SYT2: variants seen among roughly 807,000 people sequenced by gnomAD.
The protein encoded by SYT2 is synaptotagmin 2.
A neutral mutation model predicts 39.9 loss-of-function variants in SYT2; 15 were observed. The ratio of observed to expected loss-of-function variants is 0.38; its 90% CI spans 0.25 to 0.58. The LOEUF is 0.58. SYT2 is among the 20% of genes least tolerant of loss of function. The pLI is 0.70. For synonymous variants in SYT2, 181 were observed against 204.5 expected, an observed-to-expected ratio of 0.89 and a Z score of 0.98; for missense variants, 389 against 530.3, an observed-to-expected ratio of 0.73 and a Z score of 2.62.
intron 1 of SYT2, among the ~76,000 whole-genome samples, chr1:202,694,980 C>T (rs74136800): frequency 9.8e-4 from 149 of 152,266 alleles, no homozygotes; most frequent in African/African-American, 3.3e-3. Context: ...GTCTTCTCTG[C>T]GGAAGGTCTC....
intron 1 of SYT2, among the ~76,000 whole-genome samples, chr1:202,698,688 C>T (rs776474725): frequency 7.5e-4 from 114 of 152,282 alleles, no homozygotes; most frequent in Non-Finnish European, 1.4e-3. Context: ...CCAGACTCAC[C>T]AGGCAGAACA....
chr1:202,673,738 G>A (rs1431963007), intron 1 of SYT2, among the ~76,000 whole-genome samples: 4 of 152,238 alleles, frequency 2.6e-5, no homozygotes, highest in Admixed American at 1.3e-4. Flanking sequence ...TCCCATGGCT[G>A]TCTCCAGCCA....
At chr1:202,638,769 G>A (rs559888821) in intron 1 of SYT2, among the ~76,000 whole-genome samples, 138 of 151,864 alleles carry the variant, frequency 9.1e-4, no homozygotes, top group Middle Eastern at 3.4e-3. Flanking sequence ...CCCCTACCCC[G>A]CCCCATCCCA....
chr1:202,684,671 G>C (rs886199134), intron 1 of SYT2, among the ~76,000 whole-genome samples: 2 of 152,156 alleles, frequency 1.3e-5, no homozygotes. Context: ...GTCTCTGGGT[G>C]TCTCTGCTCC....
In SYT2 at chr1:202,599,165, A is replaced by G. The variant is rs1690407502; in HGVS notation, c.1053+53T>C. On this transcript the variant is annotated intron_variant, in intron 8 of 8. Coordinates refer to ENST00000367268, the MANE Select transcript of SYT2 (RefSeq NM_177402.5). This position sits in a 1 kb window ranked among gnomAD's most constrained non-coding sequence, Gnocchi z 4.4. The stretch of plus-strand genomic sequence containing the variant: ...TTCCCTCTCTTCAACCTCCCCATAC[A>G]TGTTTGCCTCCCCAAACCCTGCTCC... The G allele has an allele frequency of 1.1e-5, 18 of 1,601,790 alleles. No homozygotes were observed. Among genetic ancestry groups the G allele is most frequent in the Admixed American group, 3.5e-5 (2 of 56,798 alleles).
chr1:202,618,817 C>T (rs1183356129), intron 1 of SYT2, among the ~76,000 whole-genome samples: 5 of 152,172 alleles, frequency 3.3e-5, no homozygotes, highest in African/African-American at 1.2e-4. Context: ...AAGATTCCCT[C>T]AGCTGACTCT....
chr1:202,635,833 G>A (rs1441595019), intron 1 of SYT2, among the ~76,000 whole-genome samples: 1 of 152,206 alleles, frequency 6.6e-6, no homozygotes, highest in Non-Finnish European at 1.5e-5. Flanking sequence ...ACTATGAGCA[G>A]ATCAGGTTGG....
chr1:202,697,365 C>G lies in SYT2; in HGVS notation c.-18+12893G>C, dbSNP rs552674237. ...GGCCTCAGGTTCAATTTCATCCCCACTTTCCAAGGAATGTGAGAGGGAGGC... is the reference window on the plus strand; with the variant it reads ...GGCCTCAGGTTCAATTTCATCCCCAGTTTCCAAGGAATGTGAGAGGGAGGC... On this transcript the variant is annotated intron_variant, in intron 1 of 8. Coordinates refer to ENST00000367268, the MANE Select transcript of SYT2 (RefSeq NM_177402.5). 2.0e-5 allele frequency among the ~76,000 whole-genome samples: 3 copies of G among 152,362 alleles called. No individual in the cohort carries two copies. The East Asian group carries it at 5.8e-4, about 29-fold the overall frequency.
rs2149068312 is a variant in SYT2 at position 202,601,876 on chromosome 1, A to T, written c.801+14T>A. 6.8e-6 allele frequency: 11 copies of T among 1,611,224 alleles called. No homozygotes were observed. Among genetic ancestry groups the T allele is most frequent in the Non-Finnish European group, 9.3e-6 (11 of 1,178,524 alleles). On this transcript the variant is annotated intron_variant, in intron 6 of 8. Coordinates refer to ENST00000367268, the MANE Select transcript of SYT2 (RefSeq NM_177402.5). The surrounding 1 kb of genome is among the most constrained non-coding windows in gnomAD (Gnocchi z 4.0). ...TCGTCTTTCTGCCCAACCTGGCCTC[A>T]TCTCTGCTCTTACCTCCTCCTTTTC... is the stretch of plus-strand genomic sequence containing the variant.
chr1:202,652,452 T>G (rs911334005), intron 1 of SYT2, among the ~76,000 whole-genome samples: 2 of 152,180 alleles, frequency 1.3e-5, no homozygotes, highest in African/African-American at 2.4e-5. Context: ...AGATCAACTT[T>G]AGTGCACCAA....
rs151083248 is a variant in SYT2 at position 202,687,204 on chromosome 1, T to A, written c.-18+23054A>T. On this transcript the variant is annotated intron_variant, in intron 1 of 8. Coordinates refer to ENST00000367268, the MANE Select transcript of SYT2 (RefSeq NM_177402.5). ...CTCACAGGCGCCACTGAGGTGTGTG[T>A]CCAGTTCAAGTGCCCTCCCCTCTGA... Among the ~76,000 whole-genome samples, 5 of 152,190 alleles carry A rather than the reference T, an allele frequency of 3.3e-5. No homozygotes were observed. The East Asian group carries it at 9.7e-4, about 29-fold the overall frequency.
intron 1 of SYT2, among the ~76,000 whole-genome samples, chr1:202,668,874 G>A (rs1481426851): frequency 6.6e-6 from 1 of 152,206 alleles, no homozygotes; most frequent in Non-Finnish European, 1.5e-5. Flanking sequence ...CCTGAGTGTT[G>A]AAGCCACATG....
At chr1:202,610,350 AC>A (rs1416362367) in intron 1 of SYT2, among the ~76,000 whole-genome samples, 28 of 152,074 alleles carry the variant, frequency 1.8e-4, no homozygotes, top group African/African-American at 6.8e-4. Context: ...TCTATGACAA[AC>A]CCACAGCCAA....
intron 1 of SYT2, among the ~76,000 whole-genome samples, chr1:202,660,847 C>A (rs908601044): frequency 5.9e-5 from 9 of 152,068 alleles, no homozygotes; most frequent in African/African-American, 2.2e-4. Context: ...GCCCATCGCT[C>A]CCAGGTAATT....
chr1:202,603,511 G>A (rs1365596513), intron 3 of SYT2, among the ~76,000 whole-genome samples: 1 of 152,176 alleles, frequency 6.6e-6, no homozygotes, highest in African/African-American at 2.4e-5. Context: ...CGCATCCTGG[G>A]CAAGACATAC....
intron 1 of SYT2, among the ~76,000 whole-genome samples, chr1:202,662,228 G>A (rs1484552708): frequency 1.3e-5 from 2 of 152,252 alleles, no homozygotes; most frequent in Non-Finnish European, 2.9e-5. Context: ...GAGGCATAGT[G>A]TATGCGAGTT....
chr1:202,597,901 G>C (rs1690357151), intron 8 of SYT2, among the ~76,000 whole-genome samples: 1 of 152,176 alleles, frequency 6.6e-6, no homozygotes, highest in Admixed American at 6.5e-5. Context: ...TGGATTTGCT[G>C]AATGCTCGAT....
Position 202,669,757 on chromosome 1 carries a change from C to CAA in SYT2, c.-18+40499_-18+40500dup, listed in dbSNP as rs796796757. On this transcript the variant is annotated intron_variant, in intron 1 of 8. Coordinates refer to ENST00000367268, the MANE Select transcript of SYT2 (RefSeq NM_177402.5). ...TGGATGACAGAGTGAGACCCTGTCT[C>CAA]AAAAAAAAAAAAAAAAGACCACCCA... Among the ~76,000 whole-genome samples the CAA allele has an allele frequency of 4.4e-3, 372 of 84,172 alleles. 2 individuals carry two copies. The highest frequency in any genetic ancestry group is 0.015 in the African/African-American group (351 of 23,688). 55.2% of individuals were successfully genotyped at this position (84,172 alleles called of 152,430 possible).
chr1:202,645,796 C>T (rs777466955), intron 1 of SYT2, among the ~76,000 whole-genome samples: 7 of 152,082 alleles, frequency 4.6e-5, no homozygotes, highest in Non-Finnish European at 1.0e-4. Flanking sequence ...GCACAGGCAG[C>T]GGCTGGGCCA....
Sources: allele counts gnomAD v4.1 joint callset (sites outside exome capture counted in the v4.1 genomes callset), GRCh38; gene constraint gnomAD v4.1.1; non-coding constraint Gnocchi (gnomAD v3.1); transcripts MANE v1.5; gene names NCBI Gene and HGNC (gene_info 2026-07-23, HGNC 2026-07-21).